Variants in GRIN2B observed in about 807,000 individuals in gnomAD.
The protein encoded by GRIN2B is glutamate ionotropic receptor NMDA type subunit 2B, also known as glutamate receptor ionotropic, NMDA 2B.
GRIN2B carries 5 observed loss-of-function variants against 114.5 expected under a neutral mutation model. The observed-to-expected ratio is 0.04, with a 90% CI of 0.02 to 0.09. GRIN2B has a LOEUF of 0.09. Ranked by LOEUF, GRIN2B falls within the 10% of genes least tolerant of loss-of-function variation. GRIN2B has a pLI of 1.00. For synonymous variants in GRIN2B, 787 were observed against 745.1 expected (o/e 1.06, Z -0.92); for missense variants, 1,108 against 1,943.5 (o/e 0.57, Z 8.08).
At position 13,753,280 on chromosome 12, in the gene GRIN2B, A is replaced by G. The variant is rs755067488; in HGVS notation, c.1010+37T>C. ...CCCCAGTCTTTGAAGCTCCCCTCTCATCTCCACCATCAATGTGCCCTCTGT... is the reference window on the plus strand; with the variant it reads ...CCCCAGTCTTTGAAGCTCCCCTCTCGTCTCCACCATCAATGTGCCCTCTGT... On this transcript the variant is annotated intron_variant, in intron 4 of 13. Transcript: ENST00000609686. This position sits in a 1 kb window ranked among gnomAD's most constrained non-coding sequence, Gnocchi z 6.2. 3.1e-5 allele frequency: 37 copies of G among 1,187,560 alleles called. No individual in the cohort carries two copies. In the Admixed American group the frequency reaches 5.9e-4, roughly 19 times the overall value. 73.6% of individuals were successfully genotyped at this position (1,187,560 alleles called of 1,614,324 possible).
intron 10 of GRIN2B, among the ~76,000 whole-genome samples, chr12:13,579,384 T>C (rs999015019): frequency 9.2e-5 from 14 of 152,218 alleles, no homozygotes; most frequent in African/African-American, 3.4e-4. Flanking sequence ...TGCCACTTGA[T>C]AGCTGTGTGA....
chr12:13,767,815 A>T (rs1397561476), intron 3 of GRIN2B, among the ~76,000 whole-genome samples: 2 of 152,222 alleles, frequency 1.3e-5, no homozygotes, highest in Admixed American at 6.5e-5. Flanking sequence ...CAAAATTTTC[A>T]TAAGAGTCCC....
In GRIN2B at chr12:13,562,569, G is replaced by T. The variant is rs200777193; in HGVS notation, c.*214C>A. 65 of 583,132 alleles carry T rather than the reference G, an allele frequency of 1.1e-4. No homozygotes were observed. The Middle Eastern group carries it at 1.4e-3, about 12-fold the overall frequency. 36.1% of individuals were successfully genotyped at this position (583,132 alleles called of 1,614,324 possible). A position where few individuals can be genotyped will look rare whatever the true frequency, so the allele number is the denominator to read the frequency against. On this transcript the variant is annotated 3_prime_UTR_variant, in exon 14 of 14. Coordinates refer to ENST00000609686, the MANE Select transcript of GRIN2B (RefSeq NM_000834.5). ...GAACAGGAATGGCTGACAGCGGGGG[G>T]AAGAAGGAGAGAACTGTGAAAAGGA...
At chr12:13,871,185 G>C (rs1036720071) in intron 2 of GRIN2B, among the ~76,000 whole-genome samples, 3 of 151,932 alleles carry the variant, frequency 2.0e-5, no homozygotes, top group Non-Finnish European at 2.9e-5. Context: ...GTTCGAACTA[G>C]TTCAGATACC....
At chr12:13,748,813 A>G (rs1863431536) in intron 4 of GRIN2B, among the ~76,000 whole-genome samples, 8 of 152,258 alleles carry the variant, frequency 5.3e-5, no homozygotes. Flanking sequence ...GATTTAGCAA[A>G]TAAAACTACA....
intron 10 of GRIN2B, among the ~76,000 whole-genome samples, chr12:13,591,061 G>C (rs1374899079): frequency 6.6e-6 from 1 of 152,158 alleles, no homozygotes; most frequent in Non-Finnish European, 1.5e-5. Flanking sequence ...CTTCATCCAG[G>C]CATCCTCGGA....
intron 3 of GRIN2B, among the ~76,000 whole-genome samples, chr12:13,840,002 T>C (rs900973953): frequency 6.6e-6 from 1 of 152,244 alleles, no homozygotes; most frequent in African/African-American, 2.4e-5. Flanking sequence ...TAAAATGTAA[T>C]GTTTCTCCCC....
chr12:13,962,096 AC>A (rs2136862610), intron 2 of GRIN2B, among the ~76,000 whole-genome samples: 1 of 124,094 alleles, frequency 8.1e-6, no homozygotes, highest in South Asian at 2.8e-4. Flanking sequence ...ACATACACAC[AC>A]ACACACACAC....
Position 13,616,304 on chromosome 12 carries a change from G to A in GRIN2B, c.1328+151C>T, listed in dbSNP as rs187097764. Reference sequence around the variant, plus strand: ...GGACAGAACGAGACATCAGACCAGAGGGCTGCCAGTAATCCCACAGCTCAA... The same window carrying A: ...GGACAGAACGAGACATCAGACCAGAAGGCTGCCAGTAATCCCACAGCTCAA... On this transcript the variant is annotated intron_variant, in intron 6 of 13. Coordinates refer to ENST00000609686, the MANE Select transcript of GRIN2B (RefSeq NM_000834.5). 15 of 694,266 alleles carry A rather than the reference G, an allele frequency of 2.2e-5. 1 individual carries two copies. The Admixed American group carries it at 3.0e-4, about 14-fold the overall frequency. 43.0% of individuals were successfully genotyped at this position (694,266 alleles called of 1,614,324 possible).
intron 10 of GRIN2B, among the ~76,000 whole-genome samples, chr12:13,607,450 TAA>T (rs1491276599): frequency 1.2e-4 from 11 of 88,118 alleles, no homozygotes; most frequent in African/African-American, 4.4e-4. Context: ...TTATATATAA[TAA>T]ATATATAAAA....
chr12:13,875,728 A>G (rs1426816804), intron 2 of GRIN2B, among the ~76,000 whole-genome samples: 1 of 152,192 alleles, frequency 6.6e-6, no homozygotes, highest in Non-Finnish European at 1.5e-5. Flanking sequence ...ACTCACTTTT[A>G]ACATTTAGTC....
At chr12:13,969,945 C>A (rs1364796675) in intron 2 of GRIN2B, among the ~76,000 whole-genome samples, 1 of 152,204 alleles carries the variant, frequency 6.6e-6, no homozygotes, top group Non-Finnish European at 1.5e-5. Context: ...CTCTGCCTCC[C>A]AGATTCAAGC....
At chr12:13,750,920 G>C (rs1279855185) in intron 4 of GRIN2B, among the ~76,000 whole-genome samples, 2 of 152,182 alleles carry the variant, frequency 1.3e-5, no homozygotes, top group Non-Finnish European at 2.9e-5. Flanking sequence ...AAAAGTACAA[G>C]ATGTAGTGAA....
intron 3 of GRIN2B, among the ~76,000 whole-genome samples, chr12:13,856,853 C>G (rs1193826442): frequency 6.6e-6 from 1 of 152,140 alleles, no homozygotes; most frequent in Non-Finnish European, 1.5e-5. Context: ...GCTACATGTC[C>G]AGCCCAAATC....
chr12:13,794,943 C>T (rs1436656214), intron 3 of GRIN2B, among the ~76,000 whole-genome samples: 2 of 152,238 alleles, frequency 1.3e-5, no homozygotes, highest in African/African-American at 4.8e-5. Context: ...GCAAGCCTCA[C>T]CATGAGAGGA....
At chr12:13,608,013 A>T (rs1359803707) in intron 10 of GRIN2B, among the ~76,000 whole-genome samples, 3 of 47,010 alleles carry the variant, frequency 6.4e-5, no homozygotes, top group Non-Finnish European at 1.1e-4. Context: ...CTTCTCTCTC[A>T]ATTGCATAGG....
intron 10 of GRIN2B, among the ~76,000 whole-genome samples, chr12:13,595,352 G>A (rs1322939027): frequency 1.3e-5 from 2 of 152,096 alleles, no homozygotes; most frequent in Admixed American, 1.3e-4. Flanking sequence ...TCTGAGGATC[G>A]ATACATTTGT....
At chr12:13,782,790 C>G (rs996143931) in intron 3 of GRIN2B, among the ~76,000 whole-genome samples, 3 of 152,218 alleles carry the variant, frequency 2.0e-5, no homozygotes, top group African/African-American at 4.8e-5. Context: ...CATCACACTC[C>G]TTGCCTCATC....
intron 5 of GRIN2B, among the ~76,000 whole-genome samples, chr12:13,639,980 A>G (rs1056174666): frequency 2.0e-5 from 3 of 152,184 alleles, no homozygotes; most frequent in Admixed American, 2.0e-4. Flanking sequence ...GAGATGTTGA[A>G]GTCACATAAA....
Sources: allele counts gnomAD v4.1 joint callset (sites outside exome capture counted in the v4.1 genomes callset), GRCh38; gene constraint gnomAD v4.1.1; non-coding constraint Gnocchi (gnomAD v3.1); transcripts MANE v1.5; gene names NCBI Gene and HGNC (gene_info 2026-07-23, HGNC 2026-07-21).